Variants in MYO1E observed in about 807,000 individuals in gnomAD.
MYO1E encodes the protein unconventional myosin-Ie.
Under a neutral mutation model 151.1 loss-of-function variants are expected in MYO1E, and 68 were observed. The ratio of observed to expected loss-of-function variants is 0.45; its 90% CI spans 0.37 to 0.55. MYO1E has a LOEUF of 0.55. Ranked by LOEUF, MYO1E falls within the 20% of genes least tolerant of loss-of-function variation. The pLI is 0.00. For missense variants in MYO1E, 1,363 were observed against 1,389.3 expected (o/e 0.98, Z 0.30); for synonymous variants, 601 against 501.7 (o/e 1.20, Z -2.64).
chr15:59,204,669 C>G (rs928172547), intron 15 of MYO1E, among the ~76,000 whole-genome samples: 1 of 151,670 alleles, frequency 6.6e-6, no homozygotes, highest in Admixed American at 6.5e-5. Flanking sequence ...TCTACCCCTA[C>G]AGCTGAAACA....
intron 4 of MYO1E, among the ~76,000 whole-genome samples, chr15:59,255,658 G>A (rs2080190016): frequency 6.6e-6 from 1 of 151,988 alleles, no homozygotes; most frequent in Admixed American, 6.5e-5. Context: ...AATTGTCTTG[G>A]GCCACACATA....
Position 59,268,718 on chromosome 15 carries a change from G to GTTTTTTTTTTTTTTTTTTTTTTTTTTTT in MYO1E, c.147+3587_147+3588insAAAAAAAAAAAAAAAAAAAAAAAAAAAA, listed in dbSNP as rs1452818863. ...TGGTGATGGGTTCTGGGTGACTTTG[G>GTTTTTTTTTTTTTTTTTTTTTTTTTTTT]TATTTTTTTTTTTTTTTTTTTTTGC... On this transcript the variant is annotated intron_variant, in intron 2 of 27. Transcript: ENST00000288235. Among the ~76,000 whole-genome samples, 28 of 12,040 alleles carry GTTTTTTTTTTTTTTTTTTTTTTTTTTTT rather than the reference G, an allele frequency of 2.3e-3. 3 individuals carry two copies. Among genetic ancestry groups the GTTTTTTTTTTTTTTTTTTTTTTTTTTTT allele is most frequent in the African/African-American group, 3.0e-3 (22 of 7,374 alleles). 7.9% of individuals were successfully genotyped at this position (12,040 alleles called of 152,430 possible). A position where few individuals can be genotyped will look rare whatever the true frequency, so the allele number is the denominator to read the frequency against.
intron 18 of MYO1E, among the ~76,000 whole-genome samples, chr15:59,185,402 G>T (rs979690248): frequency 5.3e-5 from 8 of 152,134 alleles, no homozygotes; most frequent in African/African-American, 1.9e-4. Flanking sequence ...CAGGCAGCTG[G>T]GATTACAGAT....
chr15:59,144,885 C>T (rs2079432347), intron 26 of MYO1E, among the ~76,000 whole-genome samples: 1 of 152,036 alleles, frequency 6.6e-6, no homozygotes, highest in Non-Finnish European at 1.5e-5. Flanking sequence ...CTCTTGTTGC[C>T]CAGGCTGGAG....
chr15:59,164,839 A>G (rs531297603), intron 22 of MYO1E, among the ~76,000 whole-genome samples: 2 of 152,312 alleles, frequency 1.3e-5, no homozygotes, highest in East Asian at 1.9e-4. Flanking sequence ...CACAGCCTCT[A>G]CCTTGGTCTG....
intron 26 of MYO1E, among the ~76,000 whole-genome samples, chr15:59,152,281 A>G (rs1273219742): frequency 6.6e-6 from 1 of 152,218 alleles, no homozygotes; most frequent in African/African-American, 2.4e-5. Flanking sequence ...CTGCCCCCTC[A>G]GAGGAAGGAG....
chr15:59,276,819 A>C (rs2080322039), intron 1 of MYO1E, among the ~76,000 whole-genome samples: 1 of 152,182 alleles, frequency 6.6e-6, no homozygotes, highest in African/African-American at 2.4e-5. Context: ...CAGGGTGGGG[A>C]CCAGGAAGAG....
intron 2 of MYO1E, among the ~76,000 whole-genome samples, chr15:59,262,932 T>C (rs1298687870): frequency 6.6e-6 from 1 of 152,092 alleles, no homozygotes; most frequent in African/African-American, 2.4e-5. Flanking sequence ...CTGTTTTAGA[T>C]GCTCGGGATA....
intron 18 of MYO1E, among the ~76,000 whole-genome samples, chr15:59,182,054 G>A (rs1463067771): frequency 6.6e-6 from 1 of 152,124 alleles, no homozygotes; most frequent in Non-Finnish European, 1.5e-5. Flanking sequence ...GTTCTCTCCA[G>A]AGAAATACCC....
intron 1 of MYO1E, among the ~76,000 whole-genome samples, chr15:59,289,101 GTGAAA>G (rs2080404584): frequency 6.6e-6 from 1 of 152,164 alleles, no homozygotes; most frequent in South Asian, 2.1e-4. Context: ...GGCCAGAGAG[GTGAAA>G]GGATGTGTCC....
At chr15:59,320,846 A>C (rs750711489) in intron 1 of MYO1E, among the ~76,000 whole-genome samples, 1 of 152,232 alleles carries the variant, frequency 6.6e-6, no homozygotes, top group Non-Finnish European at 1.5e-5. Context: ...AACCTGATTA[A>C]ACTAAAGAGC....
At chr15:59,152,481 A>G (rs1189899683) in intron 26 of MYO1E, among the ~76,000 whole-genome samples, 2 of 152,128 alleles carry the variant, frequency 1.3e-5, no homozygotes, top group African/African-American at 2.4e-5. Context: ...TCCACCATGG[A>G]GAGTCGTGCA....
rs575918150 is a variant in MYO1E at position 59,337,864 on chromosome 15, C to A, written c.3+34634G>T. 4.5e-4 allele frequency among the ~76,000 whole-genome samples: 68 copies of A among 152,248 alleles called. 1 individual carries two copies. In the South Asian group the frequency reaches 0.012, roughly 28 times the overall value. On this transcript the variant is annotated intron_variant, in intron 1 of 27. Transcript: ENST00000288235. ...AAAAAAAAATCTCGCTCACAGAGTT[C>A]TTATAGGACAAAGTAAAATCTAAGC...
chr15:59,263,574 GATT>G (rs1430741771), intron 2 of MYO1E, among the ~76,000 whole-genome samples: 4 of 152,114 alleles, frequency 2.6e-5, no homozygotes, highest in Non-Finnish European at 4.4e-5. Flanking sequence ...TAATATTTTA[GATT>G]ATTGTGCATA....
At chr15:59,276,584 G>A (rs192749561) in intron 1 of MYO1E, among the ~76,000 whole-genome samples, 1 of 152,350 alleles carries the variant, frequency 6.6e-6, no homozygotes, top group Admixed American at 6.5e-5. Flanking sequence ...TAAGGATGAC[G>A]TAGTTTATTA....
intron 16 of MYO1E, among the ~76,000 whole-genome samples, chr15:59,199,040 T>C (rs1307907763): frequency 6.6e-6 from 1 of 152,148 alleles, no homozygotes; most frequent in African/African-American, 2.4e-5. Context: ...TTATCCGAAA[T>C]GCTTGGGAAG....
intron 1 of MYO1E, among the ~76,000 whole-genome samples, chr15:59,287,131 G>T (rs544398967): frequency 6.6e-5 from 10 of 152,298 alleles, no homozygotes; most frequent in African/African-American, 2.4e-4. Context: ...CTTTAGGAGT[G>T]GGCTTGGGGA....
chr15:59,298,255 T>C (rs1395691699), intron 1 of MYO1E, among the ~76,000 whole-genome samples: 1 of 152,200 alleles, frequency 6.6e-6, no homozygotes, highest in Non-Finnish European at 1.5e-5. Context: ...TGGGGGAATG[T>C]ATTAAACTCC....
At chr15:59,146,374 G>T (rs2079441693) in intron 26 of MYO1E, among the ~76,000 whole-genome samples, 1 of 152,134 alleles carries the variant, frequency 6.6e-6, no homozygotes, top group Admixed American at 6.5e-5. Context: ...GGAGTGCAGT[G>T]GAATGATCTT....
Sources: allele counts gnomAD v4.1 joint callset (sites outside exome capture counted in the v4.1 genomes callset), GRCh38; gene constraint gnomAD v4.1.1; transcripts MANE v1.5; gene names NCBI Gene and HGNC (gene_info 2026-07-23, HGNC 2026-07-21).